Variants in ALK observed in about 807,000 individuals in gnomAD.
The protein encoded by ALK is ALK tyrosine kinase receptor.
A neutral mutation model predicts 163.1 loss-of-function variants in ALK; 74 were observed. The ratio of observed to expected loss-of-function variants is 0.45; its 90% CI spans 0.38 to 0.55. The LOEUF is 0.55. Ranked by LOEUF, ALK falls within the 20% of genes least tolerant of loss-of-function variation. The pLI, the probability that ALK is intolerant of heterozygous loss-of-function variation, is 0.00. For synonymous variants in ALK, 960 were observed against 843.2 expected (o/e 1.14, Z -2.40); for missense variants, 2,063 against 2,105.3 (o/e 0.98, Z 0.39).
intron 9 of ALK, among the ~76,000 whole-genome samples, chr2:29,285,531 T>G (rs10182365): frequency 0.063 from 9,572 of 151,794 alleles, 400 homozygotes; most frequent in African/African-American, 0.12. Context: ...AGTGCTGGGT[T>G]TACAGGTGTG....
intron 3 of ALK, among the ~76,000 whole-genome samples, chr2:29,589,252 A>G (rs918062850): frequency 1.3e-5 from 2 of 152,156 alleles, no homozygotes; most frequent in Non-Finnish European, 2.9e-5. Flanking sequence ...CCTCACTTGC[A>G]TTTGCCTTCT....
At chr2:29,536,380 A>G (rs963702738) in intron 3 of ALK, among the ~76,000 whole-genome samples, 11 of 151,580 alleles carry the variant, frequency 7.3e-5, no homozygotes, top group African/African-American at 2.7e-4. Context: ...TCTCGCTCTC[A>G]CTCTCACCAT....
intron 4 of ALK, among the ~76,000 whole-genome samples, chr2:29,474,035 G>T (rs1304501231): frequency 6.6e-6 from 1 of 152,114 alleles, no homozygotes. Flanking sequence ...ATCTTCTAAA[G>T]CTGACTAGAC....
intron 1 of ALK, among the ~76,000 whole-genome samples, chr2:29,900,201 T>G (rs368382238): frequency 2.0e-4 from 30 of 152,358 alleles, no homozygotes; most frequent in East Asian, 1.2e-3. Context: ...CATGCATTCT[T>G]TCATTTATCA....
chr2:29,652,762 G>A (rs1426666490), intron 3 of ALK, among the ~76,000 whole-genome samples: 1 of 152,144 alleles, frequency 6.6e-6, no homozygotes, highest in Non-Finnish European at 1.5e-5. Context: ...CAGAGAGCTT[G>A]TGGGTAGCTG....
At chr2:29,771,550 G>A (rs144198209) in intron 1 of ALK, among the ~76,000 whole-genome samples, 1,534 of 149,776 alleles carry the variant, frequency 0.01, 23 homozygotes, top group Non-Finnish European at 0.017. Flanking sequence ...TTTTTGGGTT[G>A]GGGGAGCTGA....
intron 1 of ALK, among the ~76,000 whole-genome samples, chr2:29,915,726 A>G (rs972033441): frequency 1.3e-5 from 2 of 152,198 alleles, no homozygotes; most frequent in African/African-American, 4.8e-5. Context: ...AACTGATGGC[A>G]TCTTCTCAAG....
At chr2:29,444,147 G>A (rs1670612666) in intron 4 of ALK, among the ~76,000 whole-genome samples, 1 of 152,218 alleles carries the variant, frequency 6.6e-6, no homozygotes, top group Non-Finnish European at 1.5e-5. Flanking sequence ...AGTCCTACGT[G>A]GGGAGGCTTT....
intron 1 of ALK, among the ~76,000 whole-genome samples, chr2:29,724,264 A>G (rs1368360820): frequency 6.6e-6 from 1 of 152,222 alleles, no homozygotes; most frequent in Non-Finnish European, 1.5e-5. Context: ...CCTTCCAACA[A>G]TAAAACAATC....
chr2:29,839,358 G>A (rs557967529), intron 1 of ALK, among the ~76,000 whole-genome samples: 1 of 152,232 alleles, frequency 6.6e-6, no homozygotes, highest in Admixed American at 6.5e-5. Flanking sequence ...TGGCAGAGGG[G>A]AGGACCCAGT....
At position 29,453,841 on chromosome 2, in the gene ALK, G is replaced by A. The variant is rs370736861; in HGVS notation, c.1155-69982C>T. On this transcript the variant is annotated intron_variant, in intron 4 of 28. Coordinates refer to ENST00000389048, the MANE Select transcript of ALK (RefSeq NM_004304.5). ...TGTGAAACAGAACAGGCCTGTTAAG[G>A]ACCTCAGAGAAAAGGCTCACTCACA... Among the ~76,000 whole-genome samples, 6 of 152,040 alleles carry A rather than the reference G, an allele frequency of 3.9e-5. No homozygotes were observed. In the East Asian group the frequency reaches 9.7e-4, roughly 25 times the overall value.
chr2:29,821,404 G>A (rs944610514), intron 1 of ALK, among the ~76,000 whole-genome samples: 2 of 152,040 alleles, frequency 1.3e-5, no homozygotes, highest in Non-Finnish European at 2.9e-5. Context: ...AGACTTTCTC[G>A]GGGAAGGGGA....
intron 1 of ALK, among the ~76,000 whole-genome samples, chr2:29,860,359 T>C (rs1666247897): frequency 6.8e-6 from 1 of 147,324 alleles, no homozygotes; most frequent in Non-Finnish European, 1.5e-5. Flanking sequence ...CCTGAGGTCC[T>C]GTAGCTAACT....
chr2:29,524,764 G>A (rs116437763), intron 4 of ALK, among the ~76,000 whole-genome samples: 3,470 of 152,226 alleles, frequency 0.023, 133 homozygotes, highest in African/African-American at 0.079. Flanking sequence ...TGGATGGATG[G>A]ATCAATGGAT....
chr2:29,193,594 T>C lies in ALK; in HGVS notation c.4493A>G (p.Lys1498Arg), dbSNP rs1475116674. The change falls in exon 29 of 29, where the codon AAG (lysine) becomes AGG (arginine). Residue 1498 changes from lysine to arginine, a missense_variant. Physicochemically the swap from Lys to Arg is conservative, Grantham distance 26. Transcript: ENST00000389048. ...ELHKVHGSRN[K>R]PTSLWNPTYG... ...CGTTGGGTTCCACAAGCTGGTGGGC[T>C]TGTTTCTGGATCCGTGGACCTTGTG... 4 of 1,614,124 alleles carry C rather than the reference T, an allele frequency of 2.5e-6. No homozygotes were observed. The highest frequency in any genetic ancestry group is 4.5e-5 in the East Asian group (2 of 44,900).
chr2:29,820,783 C>G (rs1191665833), intron 1 of ALK, among the ~76,000 whole-genome samples: 1 of 152,184 alleles, frequency 6.6e-6, no homozygotes, highest in Non-Finnish European at 1.5e-5. Flanking sequence ...CTTAGAAGAA[C>G]AGAAGTGATG....
chr2:29,590,898 C>T (rs549453751), intron 3 of ALK, among the ~76,000 whole-genome samples: 181 of 151,566 alleles, frequency 1.2e-3, no homozygotes, highest in African/African-American at 4.3e-3. Context: ...GGTGAAACCC[C>T]GTTTCTACTA....
At chr2:29,384,072 C>A (rs2148302015) in intron 4 of ALK, among the ~76,000 whole-genome samples, 1 of 152,276 alleles carries the variant, frequency 6.6e-6, no homozygotes, top group African/African-American at 2.4e-5. Context: ...ACTTAGAGAT[C>A]CAATTCACGA....
intron 1 of ALK, among the ~76,000 whole-genome samples, chr2:29,802,748 G>C (rs2148366026): frequency 6.6e-6 from 1 of 151,542 alleles, no homozygotes; most frequent in Non-Finnish European, 1.5e-5. Context: ...ACACTGGAAA[G>C]GGGAAAAGAA....
Sources: allele counts gnomAD v4.1 joint callset (sites outside exome capture counted in the v4.1 genomes callset), GRCh38; gene constraint gnomAD v4.1.1; transcripts MANE v1.5; gene names NCBI Gene and HGNC (gene_info 2026-07-23, HGNC 2026-07-21).